The following TRAF3IP1 variants were observed in gnomAD, a reference collection of about 807,000 sequenced individuals.
The protein encoded by TRAF3IP1 is intraflagellar transport 54.
Under a neutral mutation model 89.9 loss-of-function variants are expected in TRAF3IP1, and 53 were observed. That is an observed-to-expected ratio of 0.59 (90% CI 0.47 to 0.74). TRAF3IP1 has a LOEUF of 0.74. TRAF3IP1 is among the 30% of genes least tolerant of loss of function. The pLI, the probability that TRAF3IP1 is intolerant of heterozygous loss-of-function variation, is 0.00. For missense variants in TRAF3IP1, 806 were observed against 866.1 expected, an observed-to-expected ratio of 0.93 and a Z score of 0.87; for synonymous variants, 311 against 322.1, an observed-to-expected ratio of 0.97 and a Z score of 0.37.
intron 15 of TRAF3IP1, among the ~76,000 whole-genome samples, chr2:238,382,975 A>G (rs1700608328): frequency 6.6e-6 from 1 of 151,950 alleles, no homozygotes; most frequent in African/African-American, 2.4e-5. Context: ...TTGGCTTTTT[A>G]TCGCCCATAG....
chr2:238,356,116 G>A, intron 15 of TRAF3IP1, 36 bp downstream of exon 15: 1 of 1,510,048 alleles, frequency 6.6e-7, no homozygotes, highest in Non-Finnish European at 9.2e-7. Flanking sequence ...TGGCATTTTA[G>A]CAGTCTGTTT....
chr2:238,397,325 A>T lies in TRAF3IP1; in HGVS notation c.1690-134A>T, dbSNP rs537186297. On this transcript the variant is annotated intron_variant, in intron 15 of 16. Transcript: ENST00000373327. Reference sequence around the variant, plus strand: ...ATGGCTCTCCCTTTGCATGGGAGTGAGTGTCCCACAACCAGCACTGTCTCT... The same window carrying T: ...ATGGCTCTCCCTTTGCATGGGAGTGTGTGTCCCACAACCAGCACTGTCTCT... 6.0e-5 allele frequency: 42 copies of T among 703,208 alleles called. No homozygotes were observed. In the South Asian group the frequency reaches 7.1e-4, roughly 12 times the overall value. 43.6% of individuals were successfully genotyped at this position (703,208 alleles called of 1,614,324 possible). A position where few individuals can be genotyped will look rare whatever the true frequency, so the allele number is the denominator to read the frequency against.
chr2:238,376,836 C>T (rs1047670139), intron 15 of TRAF3IP1, among the ~76,000 whole-genome samples: 14 of 152,156 alleles, frequency 9.2e-5, no homozygotes, highest in Admixed American at 3.3e-4. Context: ...CTGTTTTCTT[C>T]GCTGTAATAG....
At chr2:238,365,311 G>T (rs1415167078) in intron 15 of TRAF3IP1, among the ~76,000 whole-genome samples, 1 of 152,074 alleles carries the variant, frequency 6.6e-6, no homozygotes, top group Non-Finnish European at 1.5e-5. Context: ...TTTGGTCCTA[G>T]TATTATTGGA....
At position 238,332,891 on chromosome 2, in the gene TRAF3IP1, C is replaced by T. The variant is rs750603735; in HGVS notation, c.983C>T (p.Thr328Ile). The change falls in exon 6 of 17, where the codon ACA (threonine) becomes ATA (isoleucine). Residue 328 changes from threonine to isoleucine, a missense_variant. Around this residue, in one of 3 missense-constraint regions of TRAF3IP1, gnomAD observed 732 missense variants for 780.5 expected, o/e 0.94. Coordinates refer to ENST00000373327, the MANE Select transcript of TRAF3IP1 (RefSeq NM_015650.4). ...DGTFKDSKAE[T>I]ETEISTRASK... ...ACTTTTAAAGACTCCAAGGCTGAAA[C>T]AGAGGTAAACTTTAAAAAATAACTT... 1.2e-6 allele frequency: 2 copies of T among 1,608,294 alleles called. No homozygotes were observed. Among genetic ancestry groups the T allele is most frequent in the Admixed American group, 3.3e-5 (2 of 59,802 alleles).
chr2:238,328,549 A>G, intron 3 of TRAF3IP1, 137 bp from the exon 4 acceptor site: 2 of 1,104,878 alleles, frequency 1.8e-6, no homozygotes, highest in Non-Finnish European at 2.5e-6. Flanking sequence ...CATGTTCAAA[A>G]AATATTTTAT....
At chr2:238,366,222 C>A (rs557200849) in intron 15 of TRAF3IP1, among the ~76,000 whole-genome samples, 17 of 152,192 alleles carry the variant, frequency 1.1e-4, no homozygotes, top group Non-Finnish European at 2.5e-4. Flanking sequence ...GGCGACAAAG[C>A]AAGACTCCAT....
intron 9 of TRAF3IP1, among the ~76,000 whole-genome samples, chr2:238,346,797 G>A (rs1429172796): frequency 1.3e-5 from 2 of 152,166 alleles, no homozygotes; most frequent in Non-Finnish European, 2.9e-5. Context: ...AAATGCGTTC[G>A]TGCATCTTAA....
chr2:238,327,006 T>C (rs999028994), intron 3 of TRAF3IP1, among the ~76,000 whole-genome samples: 1 of 152,210 alleles, frequency 6.6e-6, no homozygotes, highest in African/African-American at 2.4e-5. Flanking sequence ...TGCTGAATCA[T>C]CTCCGGCTTC....
chr2:238,389,777 A>G (rs965881443), intron 15 of TRAF3IP1, among the ~76,000 whole-genome samples: 28 of 144,896 alleles, frequency 1.9e-4, no homozygotes, highest in African/African-American at 6.4e-4. Flanking sequence ...AATAATAATA[A>G]TAGTAATAAT....
At chr2:238,367,196 T>G (rs1699920305) in intron 15 of TRAF3IP1, among the ~76,000 whole-genome samples, 1 of 82,862 alleles carries the variant, frequency 1.2e-5, no homozygotes, top group East Asian at 2.9e-4. Context: ...AAAAGAAAAT[T>G]AGTGGATAAG....
rs905147038 is a variant in TRAF3IP1 at position 238,397,358 on chromosome 2, C to T, written c.1690-101C>T. The T allele has an allele frequency of 4.0e-6, 4 of 1,009,120 alleles. No individual in the cohort carries two copies. In the East Asian group the frequency reaches 7.2e-5, roughly 18 times the overall value. The allele number at this position is 1,009,120 out of a possible 1,614,324, so 62.5% of individuals were successfully genotyped here. A position where few individuals can be genotyped will look rare whatever the true frequency, so the allele number is the denominator to read the frequency against. On this transcript the variant is annotated intron_variant, in intron 15 of 16. Transcript: ENST00000373327. ...ACAACCAGCACTGTCTCTGCCTGCG[C>T]CTTTCCTCCCAGCCCCATGGCCGTG...
chr2:238,353,225 G>A lies in TRAF3IP1; in HGVS notation c.1612+16G>A, dbSNP rs3213874. The A allele has an allele frequency of 0.26, 419,909 of 1,612,776 alleles. 57,341 individuals carry two copies. Among genetic ancestry groups the A allele is most frequent in the South Asian group, 0.3 (27,002 of 90,992 alleles). On this transcript the variant is annotated intron_variant, in intron 14 of 16. Transcript: ENST00000373327. ...GAGAAGCATGGTGAGTCCTGGGCACGAGTGTGCATGTATGTCCATGTGTGT... is the reference window on the plus strand; with the variant it reads ...GAGAAGCATGGTGAGTCCTGGGCACAAGTGTGCATGTATGTCCATGTGTGT...
chr2:238,385,753 G>C (rs1700741302), intron 15 of TRAF3IP1, among the ~76,000 whole-genome samples: 1 of 152,110 alleles, frequency 6.6e-6, no homozygotes, highest in South Asian at 2.1e-4. Flanking sequence ...CTTTCCTTTT[G>C]GTGCAAGGAG....
chr2:238,344,819 G>A, intron 9 of TRAF3IP1: 1 of 650,650 alleles, frequency 1.5e-6, no homozygotes, highest in Non-Finnish European at 2.8e-6. Flanking sequence ...CCCGTGCTCT[G>A]TAAGTGAGAG....
intron 15 of TRAF3IP1, among the ~76,000 whole-genome samples, chr2:238,372,362 T>C (rs1700146359): frequency 6.6e-6 from 1 of 152,170 alleles, no homozygotes; most frequent in Non-Finnish European, 1.5e-5. Flanking sequence ...CTCCCACTTA[T>C]GAGTGAGAAC....
chr2:238,376,170 G>A (rs1252982623), intron 15 of TRAF3IP1, among the ~76,000 whole-genome samples: 2 of 152,204 alleles, frequency 1.3e-5, no homozygotes, highest in East Asian at 3.8e-4. Flanking sequence ...CATGAGCGTG[G>A]CTGGTTTCCA....
intron 15 of TRAF3IP1, among the ~76,000 whole-genome samples, chr2:238,373,501 G>T (rs149249498): frequency 0.059 from 9,044 of 152,130 alleles, 383 homozygotes; most frequent in Non-Finnish European, 0.082. Flanking sequence ...CATCTCTGTT[G>T]TGGTACCAGT....
rs759477767 is a variant in TRAF3IP1, at chr2:238,397,533, G to A, written c.1764G>A (p.Thr588=). The stretch of plus-strand genomic sequence containing the variant: ...CCAAGGAGATAGAGAAGCTCCGCAC[G>A]TCCATCCAGACCCTGTGCAAGAGCG... ...IVSKEIEKLR[T]SIQTLCKSAL... is the part of the protein sequence containing the mutation. The change falls in exon 16 of 17, where the codon ACG becomes ACA. Residue 588 remains threonine, a synonymous_variant. Coordinates refer to ENST00000373327, the MANE Select transcript of TRAF3IP1 (RefSeq NM_015650.4). 8 of 1,613,094 alleles carry A rather than the reference G, an allele frequency of 5.0e-6. No individual in the cohort carries two copies. The highest frequency in any genetic ancestry group is 2.2e-5 in the East Asian group (1 of 44,880).
Sources: gnomAD v4.1 joint callset for allele counts (sites outside exome capture counted in the v4.1 genomes callset) on GRCh38, gnomAD v4.1.1 for gene constraint, gnomAD v4.1.1 regional missense constraint, MANE v1.5 for transcripts, NCBI Gene and HGNC (gene_info 2026-07-23, HGNC 2026-07-21) for gene names.